DDX59: variants seen among roughly 807,000 people sequenced by gnomAD.
DDX59 encodes the protein probable ATP-dependent RNA helicase DDX59.
In DDX59, 30 loss-of-function variants were observed where a neutral mutation model predicts 51.9. The observed-to-expected ratio is 0.58, with a 90% CI of 0.43 to 0.78. DDX59 has a LOEUF of 0.78. Among genes scored for constraint, DDX59 ranks in the 30% least tolerant of loss-of-function variants. The probability of loss-of-function intolerance (pLI) is 0.00; values close to 1 mark genes in which losing one functional copy is unlikely to be tolerated. For missense variants in DDX59, 672 were observed against 730.8 expected (o/e 0.92, Z 0.93); for synonymous variants, 255 against 253.3 (o/e 1.01, Z -0.06).
At position 200,648,544 on chromosome 1, in the gene DDX59, T is replaced by A; in HGVS notation, c.1491A>T (p.Glu497Asp). Residue 497 changes from glutamate (E) to aspartate (D), a missense_variant, in exon 7 of 8, where the codon GAA (glutamate) becomes GAT (aspartate). Transcript: ENST00000331314. ...ILKGLLEGDY[E>D]VVVSTGVLGR... is the part of the protein sequence containing the mutation. ...CCAAGACTCCTGTGCTCACTACAAC[T>A]TCATAGTCTCCTTCAAGTAATCCCT... 1.9e-6 allele frequency: 3 copies of A among 1,613,540 alleles called. No individual in the cohort carries two copies. The highest frequency in any genetic ancestry group is 2.5e-6 in the Non-Finnish European group (3 of 1,179,720).
rs1206642439 is a variant in DDX59, at chr1:200,650,692, ATTAAAG to A, written c.1063-22_1063-17del. 2 of 1,580,052 alleles carry A rather than the reference ATTAAAG, an allele frequency of 1.3e-6. No homozygotes were observed. Among genetic ancestry groups the A allele is most frequent in the African/African-American group, 2.7e-5 (2 of 74,054 alleles). ...TGGTATCAGCCTAAAATAAAATTGT[ATTAAAG>A]TTAGTCTTGTTTGACATTAAAACCC... On this transcript the variant is annotated splice_polypyrimidine_tract_variant and intron_variant, in intron 4 of 7. Coordinates refer to ENST00000331314, the MANE Select transcript of DDX59 (RefSeq NM_001031725.6).
intron 4 of DDX59, among the ~76,000 whole-genome samples, chr1:200,657,110 C>T (rs1484892622): frequency 6.6e-6 from 1 of 151,988 alleles, no homozygotes; most frequent in African/African-American, 2.4e-5. Context: ...ATTAGCCAGG[C>T]TTGGTGGCAC....
chr1:200,644,624 A>G lies in DDX59; in HGVS notation c.1597-107T>C, dbSNP rs561754343. On this transcript the variant is annotated intron_variant, in intron 7 of 7. Transcript: ENST00000331314. ...TAAAGTAGCATTACTGGCTGGGTGC[A>G]GTGGCTCACGCCTGTAACCCCAGCA... is the stretch of plus-strand genomic sequence containing the variant. 2.5e-4 allele frequency: 345 copies of G among 1,367,342 alleles called. 2 individuals carry two copies. The highest frequency in any genetic ancestry group is 3.3e-4 in the Non-Finnish European group (339 of 1,038,130). 84.7% of individuals were successfully genotyped at this position (1,367,342 alleles called of 1,614,324 possible). A position where few individuals can be genotyped will look rare whatever the true frequency, so the allele number is the denominator to read the frequency against.
rs777198929 is a variant in DDX59, at chr1:200,666,612, A to T, written c.129T>A (p.Asp43Glu). The change falls in exon 2 of 8, where the codon GAT becomes GAA. Residue 43 changes from aspartate (D) to glutamate (E), a missense_variant. Asp to Glu is a conservative substitution (Grantham distance 45). Transcript: ENST00000331314. ...QLDKSRDVPV[D>E]AVATEAATID... ...TTGTGGCTGCTTCTGTAGCTACAGC[A>T]TCAACGGGAACATCTCTGCTTTTGT... is the stretch of plus-strand genomic sequence containing the variant. 1 of 1,614,192 alleles carries T rather than the reference A, an allele frequency of 6.2e-7. No individual in the cohort carries two copies. The highest frequency in any genetic ancestry group is 8.5e-7 in the Non-Finnish European group (1 of 1,180,026).
chr1:200,662,198 T>G (rs1041497785), intron 3 of DDX59, among the ~76,000 whole-genome samples: 1 of 152,230 alleles, frequency 6.6e-6, no homozygotes, highest in African/African-American at 2.4e-5. Flanking sequence ...CATGGACTAA[T>G]ACACAATGTT....
chr1:200,653,504 T>TA (rs766072475), intron 4 of DDX59, among the ~76,000 whole-genome samples: 2 of 152,116 alleles, frequency 1.3e-5, no homozygotes, highest in Non-Finnish European at 2.9e-5. Flanking sequence ...CCCCATCCCA[T>TA]AACCAATTCT....
chr1:200,654,452 T>C (rs1661885366), intron 4 of DDX59: 2 of 151,784 alleles, frequency 1.3e-5, no homozygotes, highest in Admixed American at 6.6e-5. Flanking sequence ...TGGAATGAGT[T>C]TGTAGAGATT....
chr1:200,644,035 C>T, downstream of DDX59: 2 of 476,844 alleles, frequency 4.2e-6, no homozygotes, highest in Non-Finnish European at 5.6e-6. Flanking sequence ...AAAGAAACTT[C>T]ATCCAGAAAA....
intron 1 of DDX59, among the ~76,000 whole-genome samples, chr1:200,667,187 G>A (rs1470692198): frequency 1.3e-5 from 2 of 150,038 alleles, no homozygotes; most frequent in Non-Finnish European, 3.0e-5. Context: ...GGCAGATCAC[G>A]AGGTCAGGAG....
Position 200,666,093 on chromosome 1 carries a change from G to C in DDX59, c.648C>G (p.His216Gln), listed in dbSNP as rs987546101. ...CCTCATAGCCTGATTTCTTCAAGTT[G>C]TGATTTAAGACCTCAGGGAGACTAC... ...EHCSLPEVLN[H>Q]NLKKSGYEVP... Residue 216 changes from histidine (H) to glutamine (Q), a missense_variant, in exon 2 of 8, where the codon CAC (histidine) becomes CAG (glutamine). His to Gln is a conservative substitution (Grantham distance 24, BLOSUM62 0). Transcript: ENST00000331314. The C allele has an allele frequency of 1.9e-6, 3 of 1,614,092 alleles. No homozygotes were observed. The African/African-American group carries it at 4.0e-5, about 22-fold the overall frequency.
Position 200,666,589 on chromosome 1 carries a change from G to T in DDX59, c.152C>A (p.Thr51Lys). ...PVDAVATEAA[T>K]IDRHISESCP... Reference sequence around the variant, plus strand: ...TGATTCGCTGATGTGCCTGTCTATTGTGGCTGCTTCTGTAGCTACAGCATC... The same window carrying T: ...TGATTCGCTGATGTGCCTGTCTATTTTGGCTGCTTCTGTAGCTACAGCATC... The change falls in exon 2 of 8, where the codon ACA (threonine) becomes AAA (lysine). Residue 51 changes from threonine (T) to lysine (K), a missense_variant. Transcript: ENST00000331314. 1 of 1,614,192 alleles carries T rather than the reference G, an allele frequency of 6.2e-7. No individual in the cohort carries two copies. The highest frequency in any genetic ancestry group is 2.2e-5 in the East Asian group (1 of 44,882).
At chr1:200,658,905 A>C in intron 4 of DDX59, 122 bp downstream of exon 4, 2 of 782,104 alleles carry the variant, frequency 2.6e-6, no homozygotes, top group Non-Finnish European at 2.1e-6. Flanking sequence ...CAATGCTTTA[A>C]AAGTCCCTGA....
downstream of DDX59, among the ~76,000 whole-genome samples, chr1:200,642,176 C>G (rs75317070): frequency 6.6e-6 from 1 of 151,994 alleles, no homozygotes; most frequent in Non-Finnish European, 1.5e-5. Context: ...AATAAAGCAA[C>G]CAATTCAGTA....
rs763032201 is a variant in DDX59 at position 200,666,653 on chromosome 1, C to T, written c.88G>A (p.Glu30Lys). Residue 30 changes from glutamate to lysine, a missense_variant, in exon 2 of 8, where the codon GAA (glutamate) becomes AAA (lysine). Glu to Lys is a moderately conservative substitution (Grantham distance 56). Coordinates refer to ENST00000331314, the MANE Select transcript of DDX59 (RefSeq NM_001031725.6). ...CVAKIIKPDP[E>K]DLQLDKSRDV... ...CTGCTTTTGTCCAACTGAAGGTCTT[C>T]TGGGTCTGGTTTAATTATCTTAGCC... 11 of 1,614,084 alleles carry T rather than the reference C, an allele frequency of 6.8e-6. No homozygotes were observed. The highest frequency in any genetic ancestry group is 6.7e-5 in the Admixed American group (4 of 60,002).
At chr1:200,651,264 T>A (rs1661642403) in intron 4 of DDX59, among the ~76,000 whole-genome samples, 1 of 152,178 alleles carries the variant, frequency 6.6e-6, no homozygotes, top group Non-Finnish European at 1.5e-5. Flanking sequence ...AAATAAAAGT[T>A]AATGTTAGGG....
chr1:200,656,740 A>G (rs752516249), intron 4 of DDX59, among the ~76,000 whole-genome samples: 2 of 152,198 alleles, frequency 1.3e-5, no homozygotes, highest in Non-Finnish European at 2.9e-5. Flanking sequence ...AGTGGAAGAA[A>G]ATGAAAATGC....
rs116164992 is a variant in DDX59, at chr1:200,647,028, G to A, written c.1596+1411C>T. ...TTAATTCCCTGATGTGCAGGTAAATGTGGTGGTACCAAAATAAATAAAAAG... is the reference window on the plus strand; with the variant it reads ...TTAATTCCCTGATGTGCAGGTAAATATGGTGGTACCAAAATAAATAAAAAG... On this transcript the variant is annotated intron_variant, in intron 7 of 7. Transcript: ENST00000331314. Among the ~76,000 whole-genome samples, 516 of 152,324 alleles carry A rather than the reference G, an allele frequency of 3.4e-3. 2 individuals carry two copies. The highest frequency in any genetic ancestry group is 0.011 in the African/African-American group (473 of 41,574).
intron 1 of DDX59, among the ~76,000 whole-genome samples, chr1:200,667,712 T>G (rs527590738): frequency 2.0e-5 from 3 of 152,172 alleles, no homozygotes; most frequent in South Asian, 2.1e-4. Context: ...ATAGAGAAAA[T>G]GCTATTTTCA....
intron 3 of DDX59, 69 bp downstream of exon 3, chr1:200,663,850 G>T (rs1056748658): frequency 7.4e-7 from 1 of 1,359,414 alleles, no homozygotes; most frequent in Non-Finnish European, 9.6e-7. Flanking sequence ...TCTTCAAGGG[G>T]AAAAAAAACA....
Sources: gnomAD v4.1 joint callset for allele counts (sites outside exome capture counted in the v4.1 genomes callset) on GRCh38, gnomAD v4.1.1 for gene constraint, MANE v1.5 for transcripts, NCBI Gene and HGNC (gene_info 2026-07-23, HGNC 2026-07-21) for gene names.